The following ADAMTSL1 variants were observed in gnomAD, a reference collection of about 807,000 sequenced individuals.
The protein encoded by ADAMTSL1 is ADAMTS-like protein 1.
ADAMTSL1 carries 126 observed loss-of-function variants against 201.8 expected under a neutral mutation model. The ratio of observed to expected loss-of-function variants is 0.62; its 90% CI spans 0.54 to 0.72. The LOEUF is 0.72. Ranked by LOEUF, ADAMTSL1 falls within the 30% of genes least tolerant of loss-of-function variation. The probability of loss-of-function intolerance (pLI) is 0.00; values close to 1 mark genes in which losing one functional copy is unlikely to be tolerated. For synonymous variants in ADAMTSL1, 1,121 were observed against 903.4 expected (o/e 1.24, Z -4.32); for missense variants, 2,679 against 2,277.8 (o/e 1.18, Z -3.59).
intron 2 of ADAMTSL1, among the ~76,000 whole-genome samples, chr9:18,220,140 C>G (rs1309260929): frequency 3.3e-5 from 5 of 152,076 alleles, no homozygotes. Flanking sequence ...CTCAGTTTGC[C>G]AAGATCAAAT....
chr9:18,875,159 T>A (rs1828074092), intron 23 of ADAMTSL1, among the ~76,000 whole-genome samples: 1 of 152,138 alleles, frequency 6.6e-6, no homozygotes, highest in Non-Finnish European at 1.5e-5. Flanking sequence ...TCTCTCTTCT[T>A]GGTTAACCCA....
chr9:18,529,016 C>G (rs1427483472), intron 2 of ADAMTSL1, among the ~76,000 whole-genome samples: 1 of 152,180 alleles, frequency 6.6e-6, no homozygotes. Flanking sequence ...GCTTAATTCT[C>G]TGACAGGGAT....
At chr9:18,434,545 A>G (rs1294257932) in intron 2 of ADAMTSL1, among the ~76,000 whole-genome samples, 1 of 152,222 alleles carries the variant, frequency 6.6e-6, no homozygotes, top group Non-Finnish European at 1.5e-5. Context: ...GAAAATGTTC[A>G]AGAGTAATAA....
chr9:17,990,593 G>C (rs143210640), intron 1 of ADAMTSL1, among the ~76,000 whole-genome samples: 60 of 151,766 alleles, frequency 4.0e-4, no homozygotes, highest in African/African-American at 1.4e-3. Flanking sequence ...ACCTTGAGTT[G>C]AGCTCATTAT....
intron 1 of ADAMTSL1, among the ~76,000 whole-genome samples, chr9:17,970,339 G>A (rs1818156222): frequency 6.6e-6 from 1 of 151,938 alleles, no homozygotes; most frequent in African/African-American, 2.4e-5. Context: ...TCAGAACATG[G>A]CATTATCCTC....
At chr9:18,072,027 T>C (rs1440912674) in intron 1 of ADAMTSL1, among the ~76,000 whole-genome samples, 2 of 152,198 alleles carry the variant, frequency 1.3e-5, no homozygotes, top group Non-Finnish European at 2.9e-5. Context: ...GGCTCTTAGC[T>C]GTCCCTGGCA....
chr9:18,493,884 C>T (rs565384382), intron 1 of ADAMTSL1, among the ~76,000 whole-genome samples: 4 of 152,248 alleles, frequency 2.6e-5, no homozygotes, highest in South Asian at 2.1e-4. Flanking sequence ...TCACTGAGAC[C>T]GATTACGTAT....
At chr9:18,595,968 A>G (rs979638748) in intron 4 of ADAMTSL1, among the ~76,000 whole-genome samples, 3 of 152,176 alleles carry the variant, frequency 2.0e-5, no homozygotes, top group African/African-American at 7.2e-5. Context: ...CAAGGCTCAA[A>G]CAGAGAGACT....
intron 1 of ADAMTSL1, among the ~76,000 whole-genome samples, chr9:18,127,296 G>A (rs1025512930): frequency 1.3e-5 from 2 of 152,152 alleles, no homozygotes; most frequent in Non-Finnish European, 2.9e-5. Context: ...TAGACCACCT[G>A]ATGGATTACA....
chr9:17,924,591 C>G (rs1387684635), intron 1 of ADAMTSL1, among the ~76,000 whole-genome samples: 4 of 149,602 alleles, frequency 2.7e-5, no homozygotes, highest in South Asian at 2.2e-4. Flanking sequence ...CTGAGAAAAA[C>G]AAGCAATGGG....
At position 18,837,318 on chromosome 9, in the gene ADAMTSL1, A is replaced by T. The variant is rs188343526; in HGVS notation, c.4249+7341A>T. Reference sequence around the variant, plus strand: ...TTGAAGTTTGTTTTTATACATATGGACATCTAACTTATCCACTACAATTTG... The same window carrying T: ...TTGAAGTTTGTTTTTATACATATGGTCATCTAACTTATCCACTACAATTTG... On this transcript the variant is annotated intron_variant, in intron 23 of 28. Coordinates refer to ENST00000380548, the MANE Select transcript of ADAMTSL1 (RefSeq NM_001040272.6). Among the ~76,000 whole-genome samples, 5 of 152,346 alleles carry T rather than the reference A, an allele frequency of 3.3e-5. No homozygotes were observed. In the East Asian group the frequency reaches 9.6e-4, roughly 29 times the overall value.
chr9:18,063,872 G>T (rs986771074), intron 1 of ADAMTSL1, among the ~76,000 whole-genome samples: 2 of 152,070 alleles, frequency 1.3e-5, no homozygotes, highest in Admixed American at 1.3e-4. Context: ...AGAGACGTTT[G>T]GCTCTGCACC....
chr9:18,327,939 TTTTG>T (rs898431962), intron 2 of ADAMTSL1, among the ~76,000 whole-genome samples: 2 of 152,294 alleles, frequency 1.3e-5, no homozygotes, highest in Middle Eastern at 3.4e-3. Context: ...TTTTCCTGTT[TTTTG>T]TTTGTTTGTT....
intron 2 of ADAMTSL1, among the ~76,000 whole-genome samples, chr9:18,506,007 C>G (rs1248944876): frequency 1.3e-5 from 2 of 152,116 alleles, no homozygotes; most frequent in Non-Finnish European, 2.9e-5. Flanking sequence ...ATTTTGGCTC[C>G]AGGGAGGTCT....
At chr9:17,992,316 T>A (rs1165977631) in intron 1 of ADAMTSL1, among the ~76,000 whole-genome samples, 1 of 152,198 alleles carries the variant, frequency 6.6e-6, no homozygotes, top group Non-Finnish European at 1.5e-5. Context: ...AATTCTCATT[T>A]GTTTTAGAAG....
intron 23 of ADAMTSL1, among the ~76,000 whole-genome samples, chr9:18,876,467 A>G (rs1828166197): frequency 6.6e-6 from 1 of 152,134 alleles, no homozygotes; most frequent in South Asian, 2.1e-4. Flanking sequence ...GAATTCTCTC[A>G]GCATGTGTTT....
chr9:18,131,885 G>A (rs1825967435), intron 1 of ADAMTSL1, among the ~76,000 whole-genome samples: 1 of 152,060 alleles, frequency 6.6e-6, no homozygotes, highest in African/African-American at 2.4e-5. Flanking sequence ...GGTGGGCAGG[G>A]TGAGATGAAC....
intron 15 of ADAMTSL1, among the ~76,000 whole-genome samples, chr9:18,728,887 G>A (rs1262443799): frequency 1.3e-5 from 2 of 152,216 alleles, no homozygotes. Context: ...AAGGATATTA[G>A]CCAGGGGTGT....
At chr9:18,737,677 C>T (rs546863497) in intron 15 of ADAMTSL1, among the ~76,000 whole-genome samples, 3 of 152,304 alleles carry the variant, frequency 2.0e-5, no homozygotes, top group Admixed American at 6.5e-5. Context: ...CCCTTAGTGA[C>T]TAGGGTTGTA....
Sources: gnomAD v4.1 joint callset for allele counts (sites outside exome capture counted in the v4.1 genomes callset) on GRCh38, gnomAD v4.1.1 for gene constraint, MANE v1.5 for transcripts, NCBI Gene and HGNC (gene_info 2026-07-23, HGNC 2026-07-21) for gene names.